Variants in PBX3 observed in about 807,000 individuals in gnomAD.
The protein encoded by PBX3 is PBX homeobox 3, also known as pre-B-cell leukemia transcription factor 3.
PBX3 carries 14 observed loss-of-function variants against 48.5 expected under a neutral mutation model. That is an observed-to-expected ratio of 0.29 (90% CI 0.19 to 0.45). The LOEUF is 0.45. Among genes scored for constraint, PBX3 ranks in the 20% least tolerant of loss-of-function variants. PBX3 has a pLI of 1.00. For missense variants in PBX3, 386 were observed against 546.7 expected (o/e 0.71, Z 2.93); for synonymous variants, 210 against 200.3 (o/e 1.05, Z -0.41).
At chr9:125,748,740 T>A in intron 2 of PBX3, 117 bp downstream of exon 2, 2 of 688,300 alleles carry the variant, frequency 2.9e-6, no homozygotes, top group Non-Finnish European at 5.1e-6. Flanking sequence ...TTGATCATTC[T>A]CTCCTTCCCA....
chr9:125,896,397 G>C (rs1406160172), intron 2 of PBX3, among the ~76,000 whole-genome samples: 1 of 151,948 alleles, frequency 6.6e-6, no homozygotes, highest in Non-Finnish European at 1.5e-5. Flanking sequence ...TGCCTACCAG[G>C]CATCCTTACA....
intron 4 of PBX3, among the ~76,000 whole-genome samples, chr9:125,934,970 C>T (rs1260879323): frequency 6.6e-6 from 1 of 152,190 alleles, no homozygotes; most frequent in African/African-American, 2.4e-5. Flanking sequence ...TTAATAGTTT[C>T]CTATTGCACT....
intron 2 of PBX3, among the ~76,000 whole-genome samples, chr9:125,802,888 A>T (rs1346724860): frequency 6.6e-6 from 1 of 151,966 alleles, no homozygotes; most frequent in Non-Finnish European, 1.5e-5. Context: ...CATATCGGTC[A>T]AACTGGTCTC....
intron 2 of PBX3, among the ~76,000 whole-genome samples, chr9:125,875,658 C>T (rs1231960302): frequency 6.6e-6 from 1 of 152,078 alleles, no homozygotes; most frequent in Non-Finnish European, 1.5e-5. Flanking sequence ...TGACCTTCTG[C>T]CGCCACCTCG....
At chr9:125,954,690 C>T (rs1034843441) in intron 5 of PBX3, among the ~76,000 whole-genome samples, 1 of 152,136 alleles carries the variant, frequency 6.6e-6, no homozygotes, top group Non-Finnish European at 1.5e-5. Flanking sequence ...CGTGCACCAC[C>T]ACGCCCGGCT....
chr9:125,964,759 G>T (rs571502193), intron 8 of PBX3, among the ~76,000 whole-genome samples: 3 of 152,288 alleles, frequency 2.0e-5, no homozygotes, highest in South Asian at 4.1e-4. Flanking sequence ...CTGTATCTAG[G>T]CTGGGCAGGG....
intron 2 of PBX3, among the ~76,000 whole-genome samples, chr9:125,757,581 C>T (rs1836553743): frequency 6.6e-6 from 1 of 152,004 alleles, no homozygotes; most frequent in African/African-American, 2.4e-5. Context: ...TTTTCTTTTA[C>T]ACTGGATCTT....
intron 2 of PBX3, among the ~76,000 whole-genome samples, chr9:125,842,699 A>G (rs1839320511): frequency 6.6e-6 from 1 of 152,170 alleles, no homozygotes; most frequent in Non-Finnish European, 1.5e-5. Flanking sequence ...GTTCTTTTGC[A>G]TGCAACTGCT....
chr9:125,754,968 C>CT (rs1429816795), intron 2 of PBX3, among the ~76,000 whole-genome samples: 11 of 152,056 alleles, frequency 7.2e-5, no homozygotes, highest in Non-Finnish European at 1.3e-4. Context: ...GACAATAACT[C>CT]TTTTTTAGTG....
chr9:125,827,222 A>G (rs1838833271), intron 2 of PBX3, among the ~76,000 whole-genome samples: 2 of 152,220 alleles, frequency 1.3e-5, no homozygotes, highest in Non-Finnish European at 2.9e-5. Context: ...GTAAAGACCC[A>G]TGTAGGGTAT....
At chr9:125,865,974 C>T (rs1839970243) in intron 2 of PBX3, among the ~76,000 whole-genome samples, 1 of 151,068 alleles carries the variant, frequency 6.6e-6, no homozygotes, top group African/African-American at 2.4e-5. Context: ...TTTTTTCCCC[C>T]CACAAAAGAA....
intron 2 of PBX3, among the ~76,000 whole-genome samples, chr9:125,804,519 C>A (rs1838061140): frequency 6.6e-6 from 1 of 152,072 alleles, no homozygotes; most frequent in Non-Finnish European, 1.5e-5. Context: ...GTCCAGCAAC[C>A]CATTTCATGT....
intron 2 of PBX3, among the ~76,000 whole-genome samples, chr9:125,804,475 C>T (rs1037617960): frequency 2.6e-5 from 4 of 152,064 alleles, no homozygotes; most frequent in African/African-American, 7.2e-5. Flanking sequence ...CTAGGGACAC[C>T]GTGACATGAA....
intron 5 of PBX3, among the ~76,000 whole-genome samples, chr9:125,942,115 A>T (rs995603173): frequency 6.6e-6 from 1 of 152,250 alleles, no homozygotes; most frequent in East Asian, 1.9e-4. Flanking sequence ...ATCACAATCT[A>T]ACCCATACAG....
chr9:125,955,956 T>A (rs1842299395), intron 5 of PBX3, among the ~76,000 whole-genome samples: 1 of 152,238 alleles, frequency 6.6e-6, no homozygotes, highest in Non-Finnish European at 1.5e-5. Context: ...CGCAGTTGGT[T>A]ATTTAAAAAA....
intron 2 of PBX3, among the ~76,000 whole-genome samples, chr9:125,765,296 G>A (rs954171553): frequency 6.6e-6 from 1 of 151,640 alleles, no homozygotes; most frequent in African/African-American, 2.4e-5. Context: ...CTACAGGCGC[G>A]CGCCACTGTG....
At chr9:125,936,883 G>T (rs1399797337) in intron 5 of PBX3, among the ~76,000 whole-genome samples, 1 of 152,106 alleles carries the variant, frequency 6.6e-6, no homozygotes, top group Non-Finnish European at 1.5e-5. Flanking sequence ...AAATATGGAG[G>T]AATAATATGA....
chr9:125,784,777 C>T (rs1837417302), intron 2 of PBX3, among the ~76,000 whole-genome samples: 1 of 152,118 alleles, frequency 6.6e-6, no homozygotes, highest in Non-Finnish European at 1.5e-5. Flanking sequence ...TGGATTGTCT[C>T]TGTTTGGGGA....
intron 2 of PBX3, among the ~76,000 whole-genome samples, chr9:125,796,447 C>G (rs1837781591): frequency 6.6e-6 from 1 of 152,088 alleles, no homozygotes; most frequent in Non-Finnish European, 1.5e-5. Flanking sequence ...TATGACAAGC[C>G]TTTAAAGTTG....
Sources: gnomAD v4.1 joint callset for allele counts (sites outside exome capture counted in the v4.1 genomes callset) on GRCh38, gnomAD v4.1.1 for gene constraint, MANE v1.5 for transcripts, NCBI Gene and HGNC (gene_info 2026-07-23, HGNC 2026-07-21) for gene names.